SURF1: variants seen among roughly 807,000 people sequenced by gnomAD.
SURF1 encodes surfeit locus protein 1.
A neutral mutation model predicts 34.1 loss-of-function variants in SURF1; 45 were observed. The ratio of observed to expected loss-of-function variants is 1.32; its 90% confidence interval spans 1.04 to 1.69. The LOEUF is 1.69. SURF1 is among the 40% of genes most tolerant of loss of function. The pLI is 0.00. For synonymous variants in SURF1, 188 were observed against 147.5 expected (o/e 1.27, Z -1.99); for missense variants, 456 against 384.6 (o/e 1.19, Z -1.55).
chr9:133,355,423 T>C (rs752083133), intron 2 of SURF1, among the ~76,000 whole-genome samples: 1 of 151,924 alleles, frequency 6.6e-6, no homozygotes, highest in Non-Finnish European at 1.5e-5. Flanking sequence ...TACAAAAAAA[T>C]GCAAAAATTA....
chr9:133,355,653 A>C (rs1355730293), intron 2 of SURF1, among the ~76,000 whole-genome samples: 13 of 152,202 alleles, frequency 8.5e-5, no homozygotes, highest in Admixed American at 8.5e-4. Flanking sequence ...ATGTAGAAAA[A>C]TATATCAATT....
chr9:133,352,728 T>G lies in SURF1; in HGVS notation c.554A>C (p.Lys185Thr). ...CTGCCGGGTTTCAGGATTCACTTTC[T>G]TCCTGGGAACGAACCCTCTATTTAC... ...ILVNRGFVPR[K>T]KVNPETRQKG... The change falls in exon 6 of 9, where the codon AAG becomes ACG. Residue 185 changes from lysine to threonine, a missense_variant. Transcript: ENST00000371974. The G allele has an allele frequency of 6.2e-7, 1 of 1,613,138 alleles. No homozygotes were observed. The highest frequency in any genetic ancestry group is 8.5e-7 in the Non-Finnish European group (1 of 1,179,778).
chr9:133,352,197 C>T, intron 7 of SURF1, 55 bp from the exon 8 acceptor site: 2 of 1,526,186 alleles, frequency 1.3e-6, no homozygotes, highest in Non-Finnish European at 1.8e-6. Flanking sequence ...GCCTCTGCAC[C>T]ACTTCCTAGT....
At chr9:133,352,855 T>A in intron 5 of SURF1, 89 bp from the exon 6 acceptor site, 1 of 1,384,320 alleles carries the variant, frequency 7.2e-7, no homozygotes, top group Non-Finnish European at 1.0e-6. Flanking sequence ...TAGGAACAAC[T>A]AGAGCACCAA....
At chr9:133,353,044 T>A (rs1398310946) in intron 5 of SURF1, among the ~76,000 whole-genome samples, 1 of 152,196 alleles carries the variant, frequency 6.6e-6, no homozygotes, top group Non-Finnish European at 1.5e-5. Flanking sequence ...TACTACAACG[T>A]GCAACTGGTG....
At chr9:133,352,346 G>A in intron 7 of SURF1, 100 bp downstream of exon 7, 2 of 1,587,034 alleles carry the variant, frequency 1.3e-6, no homozygotes, top group Non-Finnish European at 8.6e-7. Flanking sequence ...ATACACATGT[G>A]AGAACATAAG....
intron 2 of SURF1, chr9:133,356,014 G>C (rs1350622412): frequency 7.0e-6 from 4 of 572,220 alleles, no homozygotes; most frequent in Non-Finnish European, 1.2e-5. Context: ...AGTAACTCTC[G>C]AGCCTTCTCT....
Position 133,352,119 on chromosome 9 carries a change from T to C in SURF1, c.775A>G (p.Ile259Val), listed in dbSNP as rs1245524857. The change falls in exon 8 of 9, where the codon ATT (isoleucine) becomes GTT (valine). Residue 259 changes from isoleucine to valine, a missense_variant. Coordinates refer to ENST00000371974, the MANE Select transcript of SURF1 (RefSeq NM_003172.4). ...AGAGTAACTCTGGTTTGCCCTCCAA[T>C]GGGTCCTCCAGGGACTGTGCTCTCT... Reference protein sequence around the residue: ...NFQSTVPGGPIGGQTRVTLRN... With the variant: ...NFQSTVPGGPVGGQTRVTLRN... The C allele has an allele frequency of 2.5e-6, 4 of 1,606,356 alleles. No individual in the cohort carries two copies. In the Admixed American group the frequency reaches 5.1e-5, roughly 20 times the overall value.
At chr9:133,352,011 C>T (rs2130003607) in intron 8 of SURF1, 29 bp from the exon 9 acceptor site, 2 of 1,613,300 alleles carry the variant, frequency 1.2e-6, no homozygotes, top group Non-Finnish European at 1.7e-6. Context: ...CCAGCATTAG[C>T]AGGCTGCTAG....
chr9:133,354,139 A>T (rs1836507927), intron 4 of SURF1, 199 bp from the exon 5 acceptor site: 1 of 665,324 alleles, frequency 1.5e-6, no homozygotes, highest in Admixed American at 2.3e-5. Context: ...AGAGGCTAAA[A>T]ATCTGGACTC....
In SURF1 at chr9:133,351,892, A is replaced by G; in HGVS notation, c.*21T>C. ...TTGAAATACTGCATTATCCAGGGAC[A>G]GGGCTTCAGCAGCTGATCTGTCACA... On this transcript the variant is annotated 3_prime_UTR_variant, in exon 9 of 9. Coordinates refer to ENST00000371974, the MANE Select transcript of SURF1 (RefSeq NM_003172.4). 1 of 1,611,502 alleles carries G rather than the reference A, an allele frequency of 6.2e-7. No individual in the cohort carries two copies. Among genetic ancestry groups the G allele is most frequent in the South Asian group, 1.1e-5 (1 of 90,454 alleles).
At position 133,352,728 on chromosome 9, in the gene SURF1, T is replaced by C. The variant is rs2130009641; in HGVS notation, c.554A>G (p.Lys185Arg). The change falls in exon 6 of 9, where the codon AAG (lysine) becomes AGG (arginine). Residue 185 changes from lysine (K) to arginine (R), a missense_variant. Physicochemically the swap from Lys to Arg is conservative, Grantham distance 26. Coordinates refer to ENST00000371974, the MANE Select transcript of SURF1 (RefSeq NM_003172.4). ...CTGCCGGGTTTCAGGATTCACTTTC[T>C]TCCTGGGAACGAACCCTCTATTTAC... is the stretch of plus-strand genomic sequence containing the variant. Reference protein sequence around the residue: ...ILVNRGFVPRKKVNPETRQKG... With the variant: ...ILVNRGFVPRRKVNPETRQKG... 1 of 1,613,138 alleles carries C rather than the reference T, an allele frequency of 6.2e-7. No individual in the cohort carries two copies. The highest frequency in any genetic ancestry group is 1.3e-5 in the African/African-American group (1 of 75,048).
intron 1 of SURF1, 29 bp downstream of exon 1, chr9:133,356,371 G>A: frequency 1.6e-6 from 2 of 1,219,776 alleles, no homozygotes; most frequent in Non-Finnish European, 2.2e-6. Flanking sequence ...CCCGCGCCCC[G>A]CACCCCGCAC....
Position 133,356,395 on chromosome 9 carries a change from C to A in SURF1, c.54+5G>T. 1 of 1,395,162 alleles carries A rather than the reference C, an allele frequency of 7.2e-7. No homozygotes were observed. 86.4% of individuals were successfully genotyped at this position (1,395,162 alleles called of 1,614,324 possible). ...CGCACCCCGCACCCCGCACCCGGCG[C>A]TCACCCGTCCCAGCCCCGCCGCCCG... On this transcript the variant is annotated splice_donor_5th_base_variant and intron_variant, in intron 1 of 8. Transcript: ENST00000371974.
rs2130002845 is a variant in SURF1, at chr9:133,351,945, T to TA, written c.870dup (p.Lys291Ter). 6.8e-6 allele frequency: 11 copies of TA among 1,613,946 alleles called. No homozygotes were observed. The highest frequency in any genetic ancestry group is 1.1e-5 in the South Asian group (1 of 91,024). Reference sequence around the variant, plus strand: ...CCAGGTGTCCCACGTAGGAATTTCTTAAACCACAGGTAGGATGTAGCTGCA... The same window carrying TA: ...CCAGGTGTCCCACGTAGGAATTTCTTAAAACCACAGGTAGGATGTAGCTGCA... On this transcript the variant is annotated frameshift_variant, in exon 9 of 9. Coordinates refer to ENST00000371974, the MANE Select transcript of SURF1 (RefSeq NM_003172.4). LOFTEE classifies it high-confidence loss of function.
Position 133,352,152 on chromosome 9 carries a change from C to T in SURF1, c.752-10G>A, listed in dbSNP as rs2130005165. 4 of 1,587,392 alleles carry T rather than the reference C, an allele frequency of 2.5e-6. No homozygotes were observed. The highest frequency in any genetic ancestry group is 1.1e-5 in the South Asian group (1 of 87,824). On this transcript the variant is annotated splice_polypyrimidine_tract_variant and intron_variant, in intron 7 of 8. Coordinates refer to ENST00000371974, the MANE Select transcript of SURF1 (RefSeq NM_003172.4). Reference sequence around the variant, plus strand: ...CCAGGGACTGTGCTCTCTGTGGAGACAGCAGACTCAAGTCCACCCCCTACT... The same window carrying T: ...CCAGGGACTGTGCTCTCTGTGGAGATAGCAGACTCAAGTCCACCCCCTACT...
At chr9:133,354,548 C>G (rs1303071314) in intron 4 of SURF1, 111 bp downstream of exon 4, 4 of 1,290,292 alleles carry the variant, frequency 3.1e-6, no homozygotes, top group Non-Finnish European at 4.5e-6. Context: ...CACCTGAGGT[C>G]AAGGCAGTGA....
In SURF1 at chr9:133,354,756, C is replaced by G; in HGVS notation, c.241-15G>C. 6.2e-7 allele frequency: 1 copy of G among 1,613,718 alleles called. No homozygotes were observed. Among genetic ancestry groups the G allele is most frequent in the Non-Finnish European group, 8.5e-7 (1 of 1,180,032 alleles). On this transcript the variant is annotated splice_polypyrimidine_tract_variant and intron_variant, in intron 3 of 8. Coordinates refer to ENST00000371974, the MANE Select transcript of SURF1 (RefSeq NM_003172.4). ...CGACGCTGGACCTACAGTGACAGAG[C>G]ATAAGGCCAAGCAGATGGCAGCAAG... is the stretch of plus-strand genomic sequence containing the variant.
chr9:133,355,108 G>A (rs2130020644), intron 2 of SURF1, 151 bp from the exon 3 acceptor site: 8 of 1,038,300 alleles, frequency 7.7e-6, no homozygotes, highest in South Asian at 5.2e-5. Context: ...CTCCTAACCC[G>A]GTGCCCAGAA....
Sources: allele counts gnomAD v4.1 joint callset (sites outside exome capture counted in the v4.1 genomes callset), GRCh38; gene constraint gnomAD v4.1.1; transcripts MANE v1.5; gene names NCBI Gene and HGNC (gene_info 2026-07-23, HGNC 2026-07-21).